PRPF18: variants seen among roughly 807,000 people sequenced by gnomAD.
The protein encoded by PRPF18 is pre-mRNA-splicing factor 18.
A neutral mutation model predicts 46.5 loss-of-function variants in PRPF18; 38 were observed. That is an observed-to-expected ratio of 0.82 (90% CI 0.63 to 1.07). The LOEUF (loss-of-function observed/expected upper bound fraction) is 1.07, where lower values mean the gene tolerates loss of function less well. Among genes scored for constraint, PRPF18 ranks in the 50% least tolerant of loss-of-function variants. The probability of loss-of-function intolerance (pLI) is 0.00; values close to 1 mark genes in which losing one functional copy is unlikely to be tolerated. For synonymous variants in PRPF18, 152 were observed against 146.7 expected (o/e 1.04, Z -0.26); for missense variants, 263 against 410.0 (o/e 0.64, Z 3.10).
chr10:13,641,556 G>T, the PRPF18 span: 1 of 152,208 alleles, frequency 6.6e-6, no homozygotes, highest in African/African-American at 2.4e-5. Context: ...AGGAGTCTAA[G>T]GACTGAGCCC....
chr10:13,609,296 A>G (rs1342484239), intron 4 of PRPF18, among the ~76,000 whole-genome samples: 2 of 152,358 alleles, frequency 1.3e-5, no homozygotes, highest in East Asian at 3.9e-4. Flanking sequence ...TACGTAGTAG[A>G]TGGTGCCATT....
the PRPF18 span, chr10:13,655,788 TATG>T: frequency 8.5e-5 from 13 of 152,348 alleles, no homozygotes; most frequent in East Asian, 1.7e-3. Flanking sequence ...ATTTTATTCT[TATG>T]ATGTTTACCA....
intron 8 of PRPF18, 135 bp downstream of exon 8, chr10:13,614,221 G>A (rs1423097622): frequency 5.8e-6 from 4 of 692,718 alleles, no homozygotes; most frequent in Admixed American, 3.6e-5. Flanking sequence ...GTAGTAAAAA[G>A]CGTTTTATTT....
At chr10:13,601,433 A>G (rs1377681224) in intron 3 of PRPF18, among the ~76,000 whole-genome samples, 1 of 152,228 alleles carries the variant, frequency 6.6e-6, no homozygotes, top group East Asian at 1.9e-4. Context: ...AAATCAAATC[A>G]ATACAAAAGG....
intron 3 of PRPF18, among the ~76,000 whole-genome samples, chr10:13,601,308 C>T (rs894065924): frequency 7.2e-5 from 11 of 152,094 alleles, no homozygotes; most frequent in African/African-American, 2.7e-4. Context: ...CATGTTGTGC[C>T]ACTTTATACT....
chr10:13,630,883 T>C (rs993833738), downstream of PRPF18: 3 of 152,384 alleles, frequency 2.0e-5, no homozygotes, highest in African/African-American at 7.2e-5. Flanking sequence ...TCAAATGTTA[T>C]TTTTCTTGCA....
chr10:13,623,051 A>G (rs1270431786), intron 9 of PRPF18, among the ~76,000 whole-genome samples: 2 of 152,044 alleles, frequency 1.3e-5, no homozygotes, highest in Non-Finnish European at 2.9e-5. Context: ...AATACAAAAA[A>G]TTAGCCGGGC....
chr10:13,624,987 C>T (rs1564463335), intron 9 of PRPF18, among the ~76,000 whole-genome samples: 2 of 152,232 alleles, frequency 1.3e-5, no homozygotes, highest in South Asian at 2.1e-4. Flanking sequence ...AAAAGACCTT[C>T]ATAGAAACAG....
At chr10:13,643,316 A>C in the PRPF18 span, 1 of 152,190 alleles carries the variant, frequency 6.6e-6, no homozygotes, top group Non-Finnish European at 1.5e-5. Flanking sequence ...CCTGCCGTGG[A>C]CTGTCTTGCA....
At chr10:13,647,278 T>C in the PRPF18 span, 2 of 152,324 alleles carry the variant, frequency 1.3e-5, no homozygotes, top group African/African-American at 4.8e-5. Context: ...AAATGGAAGG[T>C]AACTTACTCA....
intron 9 of PRPF18, among the ~76,000 whole-genome samples, chr10:13,621,203 G>A (rs531631304): frequency 2.6e-5 from 4 of 152,214 alleles, no homozygotes; most frequent in African/African-American, 9.6e-5. Context: ...ATGTCAAAGA[G>A]CTGTTGCCCT....
At position 13,614,077 on chromosome 10, in the gene PRPF18, A is replaced by G; in HGVS notation, c.783A>G (p.Glu261=). The G allele has an allele frequency of 6.3e-7, 1 of 1,580,430 alleles. No individual in the cohort carries two copies. Among genetic ancestry groups the G allele is most frequent in the Non-Finnish European group, 8.6e-7 (1 of 1,157,042 alleles). The part of the protein sequence containing the change: ...TDIIKFMLQR[E]YVKANDAYLQ... Reference sequence around the variant, plus strand: ...TTATTAAATTCATGTTGCAGAGAGAATACGTGAAGGTACATTCCCATGCTG... The same window carrying G: ...TTATTAAATTCATGTTGCAGAGAGAGTACGTGAAGGTACATTCCCATGCTG... The change falls in exon 8 of 10, where the codon GAA becomes GAG. Residue 261 remains glutamate, a synonymous_variant. Transcript: ENST00000378572.
intron 8 of PRPF18, among the ~76,000 whole-genome samples, chr10:13,614,485 T>A (rs779230812): frequency 2.6e-5 from 4 of 152,206 alleles, no homozygotes; most frequent in Non-Finnish European, 5.9e-5. Context: ...AAAAGCCCCT[T>A]TAATCTGTAA....
At chr10:13,654,883 C>T in the PRPF18 span, 9 of 249,292 alleles carry the variant, frequency 3.6e-5, no homozygotes, top group East Asian at 8.0e-4. Context: ...TTGAGCGAGA[C>T]CTGAGCAGGG....
At chr10:13,638,983 T>C in the PRPF18 span, 1 of 152,190 alleles carries the variant, frequency 6.6e-6, no homozygotes, top group African/African-American at 2.4e-5. Flanking sequence ...TATGCATTAC[T>C]CAAACTTCTT....
intron 9 of PRPF18, among the ~76,000 whole-genome samples, chr10:13,625,894 T>G (rs967998653): frequency 9.9e-5 from 15 of 152,244 alleles, no homozygotes; most frequent in Middle Eastern, 3.2e-3. Flanking sequence ...AAATATAGGC[T>G]AATGACATCT....
intron 1 of PRPF18, among the ~76,000 whole-genome samples, chr10:13,594,275 G>C (rs1318826724): frequency 6.6e-6 from 1 of 152,180 alleles, no homozygotes; most frequent in African/African-American, 2.4e-5. Flanking sequence ...GAAACCTCTG[G>C]CATAGTAGTT....
intron 8 of PRPF18, among the ~76,000 whole-genome samples, chr10:13,615,924 A>G (rs1028581493): frequency 6.6e-6 from 1 of 152,138 alleles, no homozygotes; most frequent in Non-Finnish European, 1.5e-5. Context: ...CTGAGCCCCC[A>G]CTTCCTTCAG....
chr10:13,648,538 TC>T, the PRPF18 span: 1 of 151,530 alleles, frequency 6.6e-6, no homozygotes, highest in African/African-American at 2.4e-5. Flanking sequence ...CCAATGAGAG[TC>T]CCCCGATCAA....
Sources: allele counts gnomAD v4.1 joint callset (sites outside exome capture counted in the v4.1 genomes callset), GRCh38; gene constraint gnomAD v4.1.1; transcripts MANE v1.5; gene names NCBI Gene and HGNC (gene_info 2026-07-23, HGNC 2026-07-21).